MOB1B: variants seen among roughly 807,000 people sequenced by gnomAD.
MOB1B encodes MOB kinase activator 1B, also known as MOB1 Mps One Binder homolog B.
In MOB1B, 19 loss-of-function variants were observed where a neutral mutation model predicts 24.4. That is an observed-to-expected ratio of 0.78 (90% CI 0.54 to 1.14). MOB1B has a LOEUF of 1.14. MOB1B is among the 50% of genes most tolerant of loss of function. The probability of loss-of-function intolerance (pLI) is 0.00; values close to 1 mark genes in which losing one functional copy is unlikely to be tolerated. For missense variants in MOB1B, 243 were observed against 259.6 expected, an observed-to-expected ratio of 0.94 and a Z score of 0.44; for synonymous variants, 76 against 82.1, an observed-to-expected ratio of 0.93 and a Z score of 0.40.
intron 1 of MOB1B, among the ~76,000 whole-genome samples, chr4:70,949,111 G>A (rs1293058460): frequency 6.6e-6 from 1 of 152,126 alleles, no homozygotes; most frequent in Non-Finnish European, 1.5e-5. Context: ...ATCTATGCTA[G>A]GTTTTCTCAG....
chr4:70,931,172 A>C (rs1449345001), intron 1 of MOB1B, among the ~76,000 whole-genome samples: 1 of 152,152 alleles, frequency 6.6e-6, no homozygotes. Context: ...GTGATCTGAA[A>C]GATCTGTTAG....
chr4:70,910,587 A>C (rs1735941519), intron 1 of MOB1B, among the ~76,000 whole-genome samples: 1 of 151,994 alleles, frequency 6.6e-6, no homozygotes, highest in Non-Finnish European at 1.5e-5. Context: ...ATTCACCAAG[A>C]ATACACTAGT....
intron 3 of MOB1B, among the ~76,000 whole-genome samples, chr4:70,970,544 G>C (rs969389134): frequency 6.6e-6 from 1 of 152,084 alleles, no homozygotes; most frequent in Admixed American, 6.6e-5. Context: ...TTGGTGCAAG[G>C]ACAGAGCTTG....
chr4:70,984,920 T>C lies in MOB1B; in HGVS notation c.*2863T>C, dbSNP rs1269439657. 1 of 152,206 alleles carries C rather than the reference T, an allele frequency of 6.6e-6. No individual in the cohort carries two copies. Among genetic ancestry groups the C allele is most frequent in the Non-Finnish European group, 1.5e-5 (1 of 68,018 alleles). The allele number at this position is 152,206 out of a possible 1,614,324, so 9.4% of individuals were successfully genotyped here. On this transcript the variant is annotated 3_prime_UTR_variant, in exon 6 of 6. Coordinates refer to ENST00000309395, the MANE Select transcript of MOB1B (RefSeq NM_173468.4). The stretch of plus-strand genomic sequence containing the variant: ...AATTTACCTTAAATTGGAAGACTTT[T>C]AATTGCAGTCTCTTTCTACCTTCCC...
At chr4:70,912,991 A>G (rs1203671724) in intron 1 of MOB1B, among the ~76,000 whole-genome samples, 1 of 151,968 alleles carries the variant, frequency 6.6e-6, no homozygotes, top group African/African-American at 2.4e-5. Context: ...TTCTGGGCTC[A>G]AGCAATTTGC....
In MOB1B at chr4:70,986,563, T is replaced by G. The variant is rs911961238; in HGVS notation, c.*4506T>G. On this transcript the variant is annotated 3_prime_UTR_variant, in exon 6 of 6. Coordinates refer to ENST00000309395, the MANE Select transcript of MOB1B (RefSeq NM_173468.4). ...GGGATATTAAAGAATCTACCAATTC[T>G]TAAAAACACAGATTTATACTTTAAG... 3.3e-5 allele frequency: 5 copies of G among 152,230 alleles called. No homozygotes were observed. The highest frequency in any genetic ancestry group is 9.6e-5 in the African/African-American group (4 of 41,570). 9.4% of individuals were successfully genotyped at this position (152,230 alleles called of 1,614,324 possible).
intron 1 of MOB1B, among the ~76,000 whole-genome samples, chr4:70,949,940 G>A (rs1317099728): frequency 6.6e-6 from 1 of 151,744 alleles, no homozygotes; most frequent in Non-Finnish European, 1.5e-5. Context: ...TTACAAAGGG[G>A]TGGAGACAAG....
chr4:70,901,933 TGA>T (rs1735524427), upstream of MOB1B, among the ~76,000 whole-genome samples: 1 of 152,152 alleles, frequency 6.6e-6, no homozygotes, highest in South Asian at 2.1e-4. Context: ...CGTGGTGAAC[TGA>T]GAGATGCCAT....
chr4:70,919,644 G>A (rs919083482), intron 1 of MOB1B, among the ~76,000 whole-genome samples: 10 of 152,038 alleles, frequency 6.6e-5, no homozygotes, highest in East Asian at 1.9e-4. Flanking sequence ...GACTACAGGC[G>A]CGCACCACCA....
intron 1 of MOB1B, among the ~76,000 whole-genome samples, chr4:70,927,150 A>G (rs1560636986): frequency 6.6e-6 from 1 of 152,188 alleles, no homozygotes; most frequent in Non-Finnish European, 1.5e-5. Context: ...AGACCCTTGC[A>G]CTGCAAGATA....
At chr4:70,971,504 CAAAAAAAAAA>C (rs906280735) in intron 3 of MOB1B, among the ~76,000 whole-genome samples, 3 of 64,844 alleles carry the variant, frequency 4.6e-5, no homozygotes, top group Admixed American at 3.7e-4. Context: ...GACTCTGTCT[CAAAAAAAAAA>C]AAAAAAAAGT....
intron 1 of MOB1B, among the ~76,000 whole-genome samples, chr4:70,920,814 T>G (rs1465172284): frequency 6.6e-6 from 1 of 152,228 alleles, no homozygotes; most frequent in Non-Finnish European, 1.5e-5. Context: ...ATTCAAATTC[T>G]ATTTACAAGA....
At chr4:70,969,494 T>C (rs1738669423) in intron 2 of MOB1B, among the ~76,000 whole-genome samples, 7 of 152,186 alleles carry the variant, frequency 4.6e-5, no homozygotes, top group Admixed American at 3.9e-4. Flanking sequence ...TTAGCCTTTT[T>C]AGGGCCTATG....
intron 1 of MOB1B, among the ~76,000 whole-genome samples, chr4:70,926,857 C>T (rs1017030921): frequency 6.6e-6 from 1 of 151,766 alleles, no homozygotes; most frequent in Non-Finnish European, 1.5e-5. Flanking sequence ...ATTAGCCGGG[C>T]GTGGTGGTGG....
rs1035624827 is a variant in MOB1B, at chr4:70,982,178, T to C, written c.*121T>C. 6.4e-6 allele frequency: 4 copies of C among 624,182 alleles called. No homozygotes were observed. Among genetic ancestry groups the C allele is most frequent in the Non-Finnish European group, 1.1e-5 (4 of 365,534 alleles). The allele number at this position is 624,182 out of a possible 1,614,324, so 38.7% of individuals were successfully genotyped here. A position where few individuals can be genotyped will look rare whatever the true frequency, so the allele number is the denominator to read the frequency against. Reference sequence around the variant, plus strand: ...TCCTAGGTTTGGGGGCGGGGGCTTGTTTGGGTTCCTTTTTCTTTATTCTGA... The same window carrying C: ...TCCTAGGTTTGGGGGCGGGGGCTTGCTTGGGTTCCTTTTTCTTTATTCTGA... On this transcript the variant is annotated 3_prime_UTR_variant, in exon 6 of 6. Coordinates refer to ENST00000309395, the MANE Select transcript of MOB1B (RefSeq NM_173468.4).
intron 3 of MOB1B, among the ~76,000 whole-genome samples, chr4:70,974,494 T>C (rs1457059986): frequency 6.6e-6 from 1 of 152,162 alleles, no homozygotes; most frequent in Admixed American, 6.5e-5. Flanking sequence ...GGAAAGTGTC[T>C]TTCATTTTAG....
At chr4:70,974,992 G>A (rs751013444) in intron 3 of MOB1B, among the ~76,000 whole-genome samples, 161 bp from the exon 4 acceptor site, 5 of 152,156 alleles carry the variant, frequency 3.3e-5, no homozygotes, top group Non-Finnish European at 5.9e-5. Flanking sequence ...TGTGATAAAC[G>A]CAAAGTAGTC....
rs191228682 is a variant in MOB1B, at chr4:70,926,914, G to A, written c.14+24364G>A. ...TGGGAGGCTGAGGCAGGAGAATGGCGCAAACTCAGGAGGTGGAGCTTACAG... is the reference window on the plus strand; with the variant it reads ...TGGGAGGCTGAGGCAGGAGAATGGCACAAACTCAGGAGGTGGAGCTTACAG... On this transcript the variant is annotated intron_variant, in intron 1 of 5. Transcript: ENST00000309395. Among the ~76,000 whole-genome samples the A allele has an allele frequency of 6.9e-3, 1,044 of 151,510 alleles. 37 individuals are homozygous for A. Among genetic ancestry groups the A allele is most frequent in the Admixed American group, 0.054 (822 of 15,212 alleles).
At chr4:70,922,899 T>G (rs971863902) in intron 1 of MOB1B, among the ~76,000 whole-genome samples, 1 of 152,142 alleles carries the variant, frequency 6.6e-6, no homozygotes, top group Non-Finnish European at 1.5e-5. Flanking sequence ...GCTTGGAACC[T>G]TAGCCATGAG....
Sources: allele counts gnomAD v4.1 joint callset (sites outside exome capture counted in the v4.1 genomes callset), GRCh38; gene constraint gnomAD v4.1.1; transcripts MANE v1.5; gene names NCBI Gene and HGNC (gene_info 2026-07-23, HGNC 2026-07-21).